Variants in NR6A1 observed in about 807,000 individuals in gnomAD.
NR6A1 encodes nuclear receptor subfamily 6 group A member 1.
In NR6A1, 7 loss-of-function variants were observed where a neutral mutation model predicts 59.1. The observed-to-expected ratio is 0.12, with a 90% confidence interval of 0.07 to 0.22. NR6A1 has a LOEUF of 0.22. Ranked by LOEUF, NR6A1 falls within the 10% of genes least tolerant of loss-of-function variation. The pLI, the probability that NR6A1 is intolerant of heterozygous loss-of-function variation, is 1.00. For missense variants in NR6A1, 468 were observed against 611.6 expected, an observed-to-expected ratio of 0.77 and a Z score of 2.48; for synonymous variants, 243 against 236.1, an observed-to-expected ratio of 1.03 and a Z score of -0.27.
chr9:124,526,742 C>T (rs1388896656), intron 8 of NR6A1, 37 bp downstream of exon 8: 3 of 1,609,540 alleles, frequency 1.9e-6, no homozygotes, highest in East Asian at 2.2e-5. Context: ...CTGCCTCCCG[C>T]ACTGCAAACG....
intron 7 of NR6A1, among the ~76,000 whole-genome samples, chr9:124,528,047 G>C (rs1312365705): frequency 6.6e-6 from 1 of 152,224 alleles, no homozygotes; most frequent in Non-Finnish European, 1.5e-5. Flanking sequence ...TTCCTGGTGA[G>C]ATCTTCAGAT....
intron 2 of NR6A1, among the ~76,000 whole-genome samples, chr9:124,589,193 T>A (rs2130792758): frequency 6.6e-6 from 1 of 152,266 alleles, no homozygotes. Flanking sequence ...ACGCCTGTAA[T>A]CCCAGCACTT....
chr9:124,743,222 T>C (rs1840226587), intron 1 of NR6A1, among the ~76,000 whole-genome samples: 2 of 152,224 alleles, frequency 1.3e-5, no homozygotes, highest in South Asian at 4.1e-4. Context: ...TGCTTTTCTA[T>C]CCAGTGAGTG....
intron 9 of NR6A1, among the ~76,000 whole-genome samples, chr9:124,523,518 A>C (rs1564162066): frequency 7.0e-6 from 1 of 143,236 alleles, no homozygotes; most frequent in African/African-American, 2.5e-5. Flanking sequence ...TCAAACATTG[A>C]TTTTTTTTTT....
chr9:124,608,958 G>A (rs1015295853), intron 2 of NR6A1, among the ~76,000 whole-genome samples: 2 of 152,134 alleles, frequency 1.3e-5, no homozygotes, highest in African/African-American at 2.4e-5. Flanking sequence ...AGAAGTGTCT[G>A]TTCATGTCCT....
intron 2 of NR6A1, among the ~76,000 whole-genome samples, chr9:124,708,882 T>G (rs1839204627): frequency 6.6e-6 from 1 of 152,212 alleles, no homozygotes; most frequent in Non-Finnish European, 1.5e-5. Context: ...ATGGCTATCA[T>G]GGGTCCCTTT....
intron 2 of NR6A1, among the ~76,000 whole-genome samples, chr9:124,618,277 T>C (rs1213449499): frequency 1.3e-5 from 2 of 152,098 alleles, no homozygotes; most frequent in Non-Finnish European, 2.9e-5. Flanking sequence ...AGGACAAAAG[T>C]TCGAGACCAC....
chr9:124,754,251 T>C (rs754781340), intron 1 of NR6A1, among the ~76,000 whole-genome samples: 24 of 152,334 alleles, frequency 1.6e-4, no homozygotes, highest in Admixed American at 4.6e-4. Flanking sequence ...ATTTTACATA[T>C]ATTGCCAAAT....
At chr9:124,690,102 T>C (rs1838479940) in intron 2 of NR6A1, among the ~76,000 whole-genome samples, 1 of 152,194 alleles carries the variant, frequency 6.6e-6, no homozygotes, top group African/African-American at 2.4e-5. Context: ...TCCTCACGGC[T>C]AGCAGCATTA....
At chr9:124,606,977 T>C (rs1835591788) in intron 2 of NR6A1, among the ~76,000 whole-genome samples, 2 of 152,222 alleles carry the variant, frequency 1.3e-5, no homozygotes, top group African/African-American at 4.8e-5. Context: ...CTCAGGTTTT[T>C]GTTAGTTTAA....
intron 3 of NR6A1, 116 bp downstream of exon 3, chr9:124,554,212 C>T: frequency 1.3e-6 from 2 of 1,502,834 alleles, no homozygotes; most frequent in Admixed American, 1.8e-5. Context: ...GTTATGAGTA[C>T]AAACTATAAG....
At chr9:124,540,977 A>G (rs1328239121) in intron 4 of NR6A1, among the ~76,000 whole-genome samples, 1 of 152,166 alleles carries the variant, frequency 6.6e-6, no homozygotes, top group Non-Finnish European at 1.5e-5. Context: ...ACAGAAGTCA[A>G]CCTCAAAATA....
chr9:124,735,214 C>CTG (rs1272506302), intron 1 of NR6A1, among the ~76,000 whole-genome samples: 2 of 152,214 alleles, frequency 1.3e-5, no homozygotes, highest in Non-Finnish European at 2.9e-5. Context: ...TCTTGCCTTT[C>CTG]TGTGAGTCCT....
intron 2 of NR6A1, among the ~76,000 whole-genome samples, chr9:124,643,886 C>A (rs1836848093): frequency 6.6e-6 from 1 of 151,478 alleles, no homozygotes; most frequent in Non-Finnish European, 1.5e-5. Context: ...TTTTAATTTT[C>A]CATCCTTTCT....
At chr9:124,672,238 T>G (rs1464257461) in intron 2 of NR6A1, among the ~76,000 whole-genome samples, 1 of 152,228 alleles carries the variant, frequency 6.6e-6, no homozygotes, top group African/African-American at 2.4e-5. Flanking sequence ...AGTTTGGGAC[T>G]ATTACAGATA....
At chr9:124,617,346 G>A (rs1835926327) in intron 2 of NR6A1, among the ~76,000 whole-genome samples, 1 of 152,150 alleles carries the variant, frequency 6.6e-6, no homozygotes, top group East Asian at 1.9e-4. Context: ...TTTTTGTTTT[G>A]TGGTAAATAT....
intron 2 of NR6A1, among the ~76,000 whole-genome samples, chr9:124,686,349 G>T (rs922211867): frequency 2.0e-5 from 3 of 152,130 alleles, no homozygotes; most frequent in South Asian, 4.1e-4. Flanking sequence ...CACGCCTATT[G>T]GCTTTAAAGA....
chr9:124,672,444 G>A (rs1260470403), intron 2 of NR6A1, among the ~76,000 whole-genome samples: 5 of 151,892 alleles, frequency 3.3e-5, no homozygotes, highest in Non-Finnish European at 5.9e-5. Flanking sequence ...GTGAAATCCC[G>A]TCTCTACTAA....
At chr9:124,675,731 A>C (rs1421005432) in intron 2 of NR6A1, among the ~76,000 whole-genome samples, 1 of 152,184 alleles carries the variant, frequency 6.6e-6, no homozygotes, top group African/African-American at 2.4e-5. Flanking sequence ...TGGTCATAAA[A>C]ATATGATGGT....
Sources: gnomAD v4.1 joint callset for allele counts (sites outside exome capture counted in the v4.1 genomes callset) on GRCh38, gnomAD v4.1.1 for gene constraint, MANE v1.5 for transcripts, NCBI Gene and HGNC (gene_info 2026-07-23, HGNC 2026-07-21) for gene names.